Variants in SGCD observed in about 807,000 individuals in gnomAD.
SGCD encodes sarcoglycan delta.
Under a neutral mutation model 36.6 loss-of-function variants are expected in SGCD, and 18 were observed. The observed-to-expected ratio is 0.49, with a 90% CI of 0.34 to 0.73. The LOEUF (loss-of-function observed/expected upper bound fraction) is 0.73. SGCD is among the 30% of genes least tolerant of loss of function. The pLI, the probability that SGCD is intolerant of heterozygous loss-of-function variation, is 0.01. For synonymous variants in SGCD, 133 were observed against 130.6 expected (o/e 1.02, Z -0.12); for missense variants, 387 against 346.7 (o/e 1.12, Z -0.92).
the SGCD span, among the ~76,000 whole-genome samples, chr5:155,796,609 G>A: frequency 1.3e-4 from 19 of 151,828 alleles, no homozygotes; most frequent in East Asian, 3.5e-3. Context: ...TTTGAGACCA[G>A]CCTGACCAAC....
At chr5:156,101,096 G>C (rs1761506650) in intron 1 of SGCD, among the ~76,000 whole-genome samples, 1 of 152,184 alleles carries the variant, frequency 6.6e-6, no homozygotes, top group Admixed American at 6.5e-5. Flanking sequence ...GCCAGAATGA[G>C]GGCAATTGCC....
At chr5:155,898,083 C>T (rs572015603) in intron 1 of SGCD, among the ~76,000 whole-genome samples, 147 of 152,326 alleles carry the variant, frequency 9.7e-4, no homozygotes, top group African/African-American at 3.4e-3. Context: ...AACTTCTTTT[C>T]CATTGACACA....
chr5:156,220,688 CA>C (rs1331098604), intron 3 of SGCD, among the ~76,000 whole-genome samples: 1 of 152,074 alleles, frequency 6.6e-6, no homozygotes, highest in Non-Finnish European at 1.5e-5. Flanking sequence ...ACCTACCAGT[CA>C]AAACAGGAAG....
chr5:156,070,832 A>G (rs1760528348), intron 1 of SGCD, among the ~76,000 whole-genome samples: 1 of 152,174 alleles, frequency 6.6e-6, no homozygotes, highest in African/African-American at 2.4e-5. Context: ...CTATTCAGAG[A>G]TTCAACTTCT....
chr5:156,382,660 T>C (rs373130538), intron 3 of SGCD, among the ~76,000 whole-genome samples: 71 of 152,292 alleles, frequency 4.7e-4, no homozygotes, highest in African/African-American at 1.6e-3. Flanking sequence ...GATATAATAT[T>C]CTCTAAATCT....
At chr5:156,758,875 A>C (rs2113184348) in intron 8 of SGCD, among the ~76,000 whole-genome samples, 1 of 152,332 alleles carries the variant, frequency 6.6e-6, no homozygotes, top group Middle Eastern at 3.4e-3. Flanking sequence ...CCTTGCACAC[A>C]GTCATAGTAG....
At chr5:156,561,755 T>TA (rs1032819545) in intron 4 of SGCD, among the ~76,000 whole-genome samples, 1 of 152,300 alleles carries the variant, frequency 6.6e-6, no homozygotes, top group Admixed American at 6.5e-5. Context: ...AGGTTTTTTT[T>TA]ATTCTTTTTC....
At chr5:156,070,005 G>A (rs764463829) in intron 1 of SGCD, among the ~76,000 whole-genome samples, 37 of 151,934 alleles carry the variant, frequency 2.4e-4, no homozygotes, top group Non-Finnish European at 4.7e-4. Context: ...TACCAAAGTT[G>A]CTTATCAGCT....
At chr5:156,194,158 T>C (rs1277586268) in intron 3 of SGCD, among the ~76,000 whole-genome samples, 1 of 152,164 alleles carries the variant, frequency 6.6e-6, no homozygotes, top group African/African-American at 2.4e-5. Context: ...GGAAGATCAC[T>C]TGAGCCCATA....
the SGCD span, among the ~76,000 whole-genome samples, chr5:155,750,671 A>G: frequency 1.3e-5 from 2 of 152,252 alleles, no homozygotes; most frequent in Non-Finnish European, 2.9e-5. Context: ...ATATTTAAAA[A>G]GTACATTACA....
the SGCD span, among the ~76,000 whole-genome samples, chr5:155,736,369 T>G: frequency 6.6e-6 from 1 of 152,196 alleles, no homozygotes; most frequent in Admixed American, 6.5e-5. Flanking sequence ...ACTTTGCCCT[T>G]CTACCATAAT....
At chr5:156,160,448 T>C (rs1763061428) in intron 3 of SGCD, among the ~76,000 whole-genome samples, 1 of 151,644 alleles carries the variant, frequency 6.6e-6, no homozygotes, top group African/African-American at 2.4e-5. Context: ...TATTTAAAAA[T>C]ATTCTTTATA....
intron 7 of SGCD, among the ~76,000 whole-genome samples, chr5:156,751,663 AC>A (rs1407836281): frequency 2.6e-5 from 4 of 152,356 alleles, no homozygotes; most frequent in Middle Eastern, 3.4e-3. Flanking sequence ...CATTTCACTG[AC>A]AAAAATCCCA....
intron 3 of SGCD, among the ~76,000 whole-genome samples, chr5:156,389,268 C>T (rs1771437865): frequency 6.6e-6 from 1 of 152,140 alleles, no homozygotes. Flanking sequence ...AGGGCTTGCC[C>T]AAAGGTGGGA....
chr5:156,373,466 T>C (rs150159991), intron 3 of SGCD, among the ~76,000 whole-genome samples: 17 of 152,340 alleles, frequency 1.1e-4, no homozygotes, highest in African/African-American at 3.6e-4. Flanking sequence ...GAAAAATCGC[T>C]ACATTTAAGA....
intron 3 of SGCD, among the ~76,000 whole-genome samples, chr5:156,297,295 C>T (rs182881432): frequency 0.037 from 5,577 of 151,964 alleles, 320 homozygotes; most frequent in African/African-American, 0.12. Context: ...TGGGTATATA[C>T]CCAAAGGACT....
the SGCD span, among the ~76,000 whole-genome samples, chr5:155,729,473 A>G: frequency 3.3e-5 from 5 of 152,388 alleles, no homozygotes; most frequent in East Asian, 1.9e-4. Flanking sequence ...TGGGGGCACC[A>G]GGAAAGGTAG....
intron 3 of SGCD, among the ~76,000 whole-genome samples, chr5:156,464,303 C>G (rs1754628887): frequency 1.3e-5 from 2 of 150,804 alleles, no homozygotes; most frequent in South Asian, 4.2e-4. Flanking sequence ...TTACTGCAAC[C>G]TGTGCCTCCC....
Position 156,704,387 on chromosome 5 carries a change from G to A in SGCD, c.576-53194G>A, listed in dbSNP as rs1308588184. 4 of 152,130 alleles carry A rather than the reference G, an allele frequency of 2.6e-5. No individual in the cohort carries two copies. In the South Asian group the frequency reaches 8.3e-4, roughly 32 times the overall value. 9.4% of individuals were successfully genotyped at this position (152,130 alleles called of 1,614,324 possible). A position where few individuals can be genotyped will look rare whatever the true frequency, so the allele number is the denominator to read the frequency against. ...CCTAAATAAAAATGCCTAGCTAAGGGAGTCTAGTGCTTAGATTTGCCAAGG... is the reference window on the plus strand; with the variant it reads ...CCTAAATAAAAATGCCTAGCTAAGGAAGTCTAGTGCTTAGATTTGCCAAGG... On this transcript the variant is annotated intron_variant, in intron 7 of 8. Transcript: ENST00000337851.
Sources: gnomAD v4.1 joint callset for allele counts (sites outside exome capture counted in the v4.1 genomes callset) on GRCh38, gnomAD v4.1.1 for gene constraint, MANE v1.5 for transcripts, NCBI Gene and HGNC (gene_info 2026-07-23, HGNC 2026-07-21) for gene names.